LRPAP1: variants seen among roughly 807,000 people sequenced by gnomAD.
LRPAP1 encodes the protein LDL receptor related protein associated protein 1.
In LRPAP1, 41 loss-of-function variants were observed where a neutral mutation model predicts 39.9. The ratio of observed to expected loss-of-function variants is 1.03; its 90% CI spans 0.80 to 1.33. The LOEUF (loss-of-function observed/expected upper bound fraction) is 1.33. LRPAP1 is among the 40% of genes most tolerant of loss of function. LRPAP1 has a pLI of 0.00. For missense variants in LRPAP1, 565 were observed against 482.3 expected, an observed-to-expected ratio of 1.17 and a Z score of -1.61; for synonymous variants, 263 against 212.7, an observed-to-expected ratio of 1.24 and a Z score of -2.06.
chr4:3,518,825 G>C (rs1379969728), intron 4 of LRPAP1, 46 bp downstream of exon 4: 2 of 1,310,456 alleles, frequency 1.5e-6, no homozygotes, highest in Admixed American at 4.2e-5. Context: ...GTGGGGGGCA[G>C]GAGGGGGTGG....
chr4:3,521,254 C>T lies in LRPAP1; in HGVS notation c.350-1061G>A, dbSNP rs560567455. 1.7e-3 allele frequency among the ~76,000 whole-genome samples: 258 copies of T among 152,346 alleles called. 4 individuals carry two copies. Among genetic ancestry groups the T allele is most frequent in the Non-Finnish European group, 5.7e-4 (39 of 68,010 alleles). Reference sequence around the variant, plus strand: ...TGGGGTCCTGCCTTCCCCTCCGGGCCGAGAGGGCCCCGAGTAGGCCTCTCC... The same window carrying T: ...TGGGGTCCTGCCTTCCCCTCCGGGCTGAGAGGGCCCCGAGTAGGCCTCTCC... On this transcript the variant is annotated intron_variant, in intron 2 of 7. Coordinates refer to ENST00000650182, the MANE Select transcript of LRPAP1 (RefSeq NM_002337.4).
At chr4:3,515,089 A>G (rs1350997620) in intron 6 of LRPAP1, among the ~76,000 whole-genome samples, 161 bp from the exon 7 acceptor site, 1 of 152,178 alleles carries the variant, frequency 6.6e-6, no homozygotes, top group East Asian at 1.9e-4. Context: ...CTGGGAGGCC[A>G]TCACACTAGC....
chr4:3,517,510 G>A (rs1030766160), intron 5 of LRPAP1, among the ~76,000 whole-genome samples: 7 of 152,244 alleles, frequency 4.6e-5, no homozygotes, highest in Non-Finnish European at 8.8e-5. Flanking sequence ...CCCTGCACAA[G>A]GCTCTGGCCC....
In LRPAP1 at chr4:3,505,696, CCCAAGACCGTCTATACCAGCTACG is replaced by C. The variant is rs1294062998; in HGVS notation, c.*7254_*7277del. On this transcript the variant is annotated 3_prime_UTR_variant, in exon 8 of 8. Transcript: ENST00000650182. ...CCCCAAGACCGTCTATACCAGCTAC[CCCAAGACCGTCTATACCAGCTACG>C]CCAAGACCGTCTATACCAGCTACCC... is the stretch of plus-strand genomic sequence containing the variant. Among the ~76,000 whole-genome samples the C allele has an allele frequency of 1.8e-4, 28 of 151,884 alleles. No individual in the cohort carries two copies. In the South Asian group the frequency reaches 5.0e-3, roughly 27 times the overall value.
rs1286184333 is a variant in LRPAP1 at position 3,504,861 on chromosome 4, C to T, written c.*8113G>A. ...ACTTGGGAGGCTGAGGCAGGGGAAT[C>T]GCATGAACCTGGGAGGCAGAGGTTG... On this transcript the variant is annotated 3_prime_UTR_variant, in exon 8 of 8. Transcript: ENST00000650182. Among the ~76,000 whole-genome samples the T allele has an allele frequency of 1.3e-5, 2 of 151,710 alleles. No homozygotes were observed. Among genetic ancestry groups the T allele is most frequent in the East Asian group, 1.9e-4 (1 of 5,186 alleles).
chr4:3,516,330 C>T (rs995348293), intron 5 of LRPAP1, 132 bp from the exon 6 acceptor site: 21 of 544,828 alleles, frequency 3.9e-5, no homozygotes, highest in African/African-American at 1.8e-4. Flanking sequence ...GTGTGAAACA[C>T]GGGTGCGTGC....
intron 7 of LRPAP1, 67 bp downstream of exon 7, chr4:3,514,685 C>T: frequency 6.6e-7 from 1 of 1,525,170 alleles, no homozygotes; most frequent in Middle Eastern, 2.4e-4. Flanking sequence ...CCCTGAGCTG[C>T]ATGTGGGCGG....
chr4:3,513,384 T>G (rs1157120538), intron 7 of LRPAP1, among the ~76,000 whole-genome samples: 1 of 152,202 alleles, frequency 6.6e-6, no homozygotes, highest in African/African-American at 2.4e-5. Context: ...CTCAGCTCAC[T>G]GCAACCTCTG....
chr4:3,525,297 G>T (rs751282712), intron 1 of LRPAP1, among the ~76,000 whole-genome samples: 15 of 152,276 alleles, frequency 9.9e-5, no homozygotes, highest in Middle Eastern at 3.4e-3. Context: ...CTCCCCACCA[G>T]CAGCGGCTGC....
Position 3,518,857 on chromosome 4 carries a change from G to C in LRPAP1, c.592+14C>G. 6.5e-7 allele frequency: 1 copy of C among 1,529,376 alleles called. No homozygotes were observed. Among genetic ancestry groups the C allele is most frequent in the Non-Finnish European group, 8.8e-7 (1 of 1,132,762 alleles). The allele number at this position is 1,529,376 out of a possible 1,614,324, so 94.7% of individuals were successfully genotyped here. ...GTGGGGCAGAGGGCAGGAGGGGGTGGGGGCGGGGGGCACCTTCGGTCCTGC... is the reference window on the plus strand; with the variant it reads ...GTGGGGCAGAGGGCAGGAGGGGGTGCGGGCGGGGGGCACCTTCGGTCCTGC... On this transcript the variant is annotated intron_variant, in intron 4 of 7. Transcript: ENST00000650182.
At chr4:3,525,116 G>A in intron 1 of LRPAP1, 65 bp from the exon 2 acceptor site, 1 of 1,590,136 alleles carries the variant, frequency 6.3e-7, no homozygotes, top group South Asian at 1.1e-5. Flanking sequence ...GCGAGAAACT[G>A]ACCTCGGAGG....
rs532255411 is a variant in LRPAP1, at chr4:3,518,414, G to A, written c.593-222C>T. Among the ~76,000 whole-genome samples, 30 of 152,306 alleles carry A rather than the reference G, an allele frequency of 2.0e-4. No homozygotes were observed. In the South Asian group the frequency reaches 4.6e-3, roughly 23 times the overall value. Reference sequence around the variant, plus strand: ...CGCCGGGACACGCGCACCAAGTGGCGCCTGGCGGTGACAGCTGGGGCACCA... The same window carrying A: ...CGCCGGGACACGCGCACCAAGTGGCACCTGGCGGTGACAGCTGGGGCACCA... On this transcript the variant is annotated intron_variant, in intron 4 of 7. Transcript: ENST00000650182.
chr4:3,522,601 C>T (rs1395713224), intron 2 of LRPAP1, among the ~76,000 whole-genome samples: 2 of 144,844 alleles, frequency 1.4e-5, no homozygotes, highest in African/African-American at 5.2e-5. Context: ...CGGACGCCGC[C>T]CCACACCCCC....
In LRPAP1 at chr4:3,518,088, G is replaced by C. The variant is rs754788192; in HGVS notation, c.697C>G (p.Gln233Glu). ...ELKEKLRSIN[Q>E]GLDRLRRVSH... ...ACCCTGCGCAGGCGGTCCAGGCCCT[G>C]GTTGATGCTGCGCAGCTTCTCCTTC... is the stretch of plus-strand genomic sequence containing the variant. The change falls in exon 5 of 8, where the codon CAG (glutamine) becomes GAG (glutamate). Residue 233 changes from glutamine to glutamate, a missense_variant. Physicochemically the swap from Gln to Glu is conservative, Grantham distance 29. Coordinates refer to ENST00000650182, the MANE Select transcript of LRPAP1 (RefSeq NM_002337.4). The C allele has an allele frequency of 6.2e-7, 1 of 1,613,306 alleles. No individual in the cohort carries two copies. The highest frequency in any genetic ancestry group is 1.1e-5 in the South Asian group (1 of 91,070).
At position 3,505,185 on chromosome 4, in the gene LRPAP1, C is replaced by T. The variant is rs1446982762; in HGVS notation, c.*7789G>A. Among the ~76,000 whole-genome samples, 3 of 152,220 alleles carry T rather than the reference C, an allele frequency of 2.0e-5. No homozygotes were observed. Among genetic ancestry groups the T allele is most frequent in the Admixed American group, 1.3e-4 (2 of 15,290 alleles). On this transcript the variant is annotated 3_prime_UTR_variant, in exon 8 of 8. Coordinates refer to ENST00000650182, the MANE Select transcript of LRPAP1 (RefSeq NM_002337.4). ...AGCTCACGGACACGAGGAAGAAGGG[C>T]GACCGTGTCCTGGACAGCCCAGCTC...
intron 1 of LRPAP1, among the ~76,000 whole-genome samples, chr4:3,525,882 C>A (rs1730066107): frequency 6.6e-6 from 1 of 152,260 alleles, no homozygotes; most frequent in East Asian, 1.9e-4. Flanking sequence ...TGCCAGGCGG[C>A]CGAGGCAAGC....
intron 1 of LRPAP1, among the ~76,000 whole-genome samples, chr4:3,525,310 A>G (rs1577210644): frequency 1.3e-5 from 2 of 152,270 alleles, no homozygotes; most frequent in East Asian, 1.9e-4. Flanking sequence ...GCGGCTGCTC[A>G]TTCCTGTCCG....
intron 1 of LRPAP1, among the ~76,000 whole-genome samples, chr4:3,528,863 G>C (rs1360688790): frequency 6.6e-6 from 1 of 152,216 alleles, no homozygotes; most frequent in Non-Finnish European, 1.5e-5. Context: ...GAGGCCACTG[G>C]CTGGCCCATC....
Position 3,521,765 on chromosome 4 carries a change from C to T in LRPAP1, c.350-1572G>A, listed in dbSNP as rs892335525. On this transcript the variant is annotated intron_variant, in intron 2 of 7. Transcript: ENST00000650182. The stretch of plus-strand genomic sequence containing the variant: ...AGTCAAGAGCTGCTGGCGCTGGGCA[C>T]GGGTCCCGTAGATGCATGCTTCAAA... Among the ~76,000 whole-genome samples the T allele has an allele frequency of 1.8e-4, 27 of 152,340 alleles. 1 individual carries two copies. Among genetic ancestry groups the T allele is most frequent in the African/African-American group, 5.8e-4 (24 of 41,570 alleles).
Sources: allele counts gnomAD v4.1 joint callset (sites outside exome capture counted in the v4.1 genomes callset), GRCh38; gene constraint gnomAD v4.1.1; transcripts MANE v1.5; gene names NCBI Gene and HGNC (gene_info 2026-07-23, HGNC 2026-07-21).